The following CPSF7 variants were observed in gnomAD, a reference collection of about 807,000 sequenced individuals.
CPSF7 encodes cleavage and polyadenylation specific factor 7.
In CPSF7, 1 loss-of-function variant was observed where a neutral mutation model predicts 44.3. The observed-to-expected ratio is 0.02, with a 90% CI of 0.01 to 0.11. The LOEUF (loss-of-function observed/expected upper bound fraction) is 0.11, where lower values mean the gene tolerates loss of function less well. Among genes scored for constraint, CPSF7 ranks in the 10% least tolerant of loss-of-function variants. The probability of loss-of-function intolerance (pLI) is 1.00; values close to 1 mark genes in which losing one functional copy is unlikely to be tolerated. For missense variants in CPSF7, 443 were observed against 607.2 expected (o/e 0.73, Z 2.84); for synonymous variants, 202 against 222.0 (o/e 0.91, Z 0.80).
chr11:61,405,552 T>C (rs777318144), intron 9 of CPSF7, among the ~76,000 whole-genome samples: 1 of 152,202 alleles, frequency 6.6e-6, no homozygotes, highest in Non-Finnish European at 1.5e-5. Context: ...GTTCCTACTA[T>C]ACTCAGCACC....
At chr11:61,413,169 C>T (rs756288278) in intron 7 of CPSF7, among the ~76,000 whole-genome samples, 3 of 152,104 alleles carry the variant, frequency 2.0e-5, no homozygotes, top group Non-Finnish European at 4.4e-5. Flanking sequence ...AAGTGATCCT[C>T]CTGCCTGGGC....
At chr11:61,412,959 G>C (rs563886887) in intron 7 of CPSF7, among the ~76,000 whole-genome samples, 1 of 152,304 alleles carries the variant, frequency 6.6e-6, no homozygotes, top group South Asian at 2.1e-4. Flanking sequence ...TTGTATAGAG[G>C]ACTATTTTGT....
intron 5 of CPSF7, among the ~76,000 whole-genome samples, chr11:61,418,302 A>G (rs964619158): frequency 3.3e-5 from 5 of 152,182 alleles, no homozygotes; most frequent in Admixed American, 3.3e-4. Flanking sequence ...TGTTCCTCCC[A>G]CTGTAGCAAA....
intron 7 of CPSF7, among the ~76,000 whole-genome samples, chr11:61,415,180 G>A (rs1388975514): frequency 6.6e-6 from 1 of 152,192 alleles, no homozygotes; most frequent in Non-Finnish European, 1.5e-5. Context: ...GGAGGCTGTA[G>A]TGAGCCAAGA....
In CPSF7 at chr11:61,429,395, C is replaced by T. The variant is rs1590754642; in HGVS notation, c.-55-105G>A. The T allele has an allele frequency of 1.1e-5, 8 of 699,788 alleles. No individual in the cohort carries two copies. In the East Asian group the frequency reaches 2.1e-4, roughly 18 times the overall value. The allele number at this position is 699,788 out of a possible 1,614,324, so 43.3% of individuals were successfully genotyped here. A position where few individuals can be genotyped will look rare whatever the true frequency, so the allele number is the denominator to read the frequency against. ...CATCTCCAGAGACGCAGCATCCTGG[C>T]GGCCCCAGCTCGGCCCCACCCGCTC... On this transcript the variant is annotated intron_variant, in intron 1 of 9. Transcript: ENST00000439958.
Position 61,416,645 on chromosome 11 carries a change from A to G in CPSF7, c.524-126T>C, listed in dbSNP as rs1006657101. On this transcript the variant is annotated intron_variant, in intron 5 of 9. Coordinates refer to ENST00000439958, the MANE Select transcript of CPSF7 (RefSeq NM_001142565.3). ...TGACTAAAGAGGCTGAGAAGGTAAA[A>G]TCATCTACTGCCTTTTTTTTGGCTT... is the stretch of plus-strand genomic sequence containing the variant. The G allele has an allele frequency of 5.2e-6, 5 of 956,814 alleles. No homozygotes were observed. The African/African-American group carries it at 6.6e-5, about 13-fold the overall frequency. The allele number at this position is 956,814 out of a possible 1,614,324, so 59.3% of individuals were successfully genotyped here. A position where few individuals can be genotyped will look rare whatever the true frequency, so the allele number is the denominator to read the frequency against.
At position 61,427,776 on chromosome 11, in the gene CPSF7, G is replaced by A. The variant is rs560046680; in HGVS notation, c.54+1406C>T. Among the ~76,000 whole-genome samples, 7 of 152,194 alleles carry A rather than the reference G, an allele frequency of 4.6e-5. No individual in the cohort carries two copies. In the South Asian group the frequency reaches 1.2e-3, roughly 27 times the overall value. On this transcript the variant is annotated intron_variant, in intron 2 of 9. Transcript: ENST00000439958. ...GCCATTAAAAAGTATAATTGGTGAA[G>A]CTGTATAATGGGTACAAGGTCATTA... is the stretch of plus-strand genomic sequence containing the variant.
chr11:61,413,235 A>C (rs1860009644), intron 7 of CPSF7, among the ~76,000 whole-genome samples: 1 of 152,118 alleles, frequency 6.6e-6, no homozygotes, highest in Admixed American at 6.6e-5. Context: ...AGACTTTCTA[A>C]ATAATGTGTA....
intron 4 of CPSF7, 72 bp downstream of exon 4, chr11:61,420,398 G>C: frequency 4.3e-6 from 6 of 1,399,948 alleles, no homozygotes; most frequent in Non-Finnish European, 6.0e-6. Flanking sequence ...AAAATCCAGG[G>C]CCAAAATATA....
At chr11:61,411,144 C>T in intron 8 of CPSF7, 39 bp from the exon 9 acceptor site, 1 of 1,556,146 alleles carries the variant, frequency 6.4e-7, no homozygotes, top group African/African-American at 1.4e-5. Flanking sequence ...AGAAGGCCTA[C>T]CACTTTCTTT....
intron 9 of CPSF7, among the ~76,000 whole-genome samples, chr11:61,408,212 A>G (rs946865005): frequency 2.2e-4 from 34 of 151,858 alleles, no homozygotes; most frequent in African/African-American, 8.0e-4. Flanking sequence ...ACCTGCCACC[A>G]TGCCCGGCTA....
intron 8 of CPSF7, 69 bp from the exon 9 acceptor site, chr11:61,411,174 G>A: frequency 6.8e-7 from 1 of 1,478,846 alleles, no homozygotes; most frequent in South Asian, 1.3e-5. Context: ...TGGTGTTTTG[G>A]TGTCTTCTGA....
Position 61,410,983 on chromosome 11 carries a change from T to A in CPSF7, c.1349A>T (p.His450Leu). Residue 450 changes from histidine (H) to leucine (L), a missense_variant, in exon 9 of 10, where the codon CAT becomes CTT. His to Leu is a moderately conservative substitution (Grantham distance 99). Transcript: ENST00000439958. The part of the protein sequence containing the change: ...DDYFQERNRE[H>L]ERHRDRERDR... The stretch of plus-strand genomic sequence containing the variant: ...CCGTTCTCTATCCCGGTGTCTCTCA[T>A]GCTCCCGGTTCCTTTCTTGGAAATA... The A allele has an allele frequency of 6.2e-7, 1 of 1,613,826 alleles. No homozygotes were observed. The highest frequency in any genetic ancestry group is 8.5e-7 in the Non-Finnish European group (1 of 1,179,956).
intron 2 of CPSF7, 56 bp downstream of exon 2, chr11:61,429,126 G>A (rs1376848646): frequency 1.5e-5 from 16 of 1,054,994 alleles, no homozygotes; most frequent in Non-Finnish European, 2.1e-5. Context: ...CCAGTTTGCT[G>A]AAAATGATTC....
chr11:61,428,311 T>C (rs766048473), intron 2 of CPSF7, among the ~76,000 whole-genome samples: 9 of 152,010 alleles, frequency 5.9e-5, no homozygotes, highest in Non-Finnish European at 1.3e-4. Flanking sequence ...CTCTCCAGAG[T>C]AGATGGGACT....
chr11:61,416,226 G>C lies in CPSF7; in HGVS notation c.817C>G (p.Pro273Ala), dbSNP rs1565107610. 1.3e-6 allele frequency: 2 copies of C among 1,532,164 alleles called. No homozygotes were observed. Among genetic ancestry groups the C allele is most frequent in the South Asian group, 1.3e-5 (1 of 77,382 alleles). 94.9% of individuals were successfully genotyped at this position (1,532,164 alleles called of 1,614,324 possible). Residue 273 changes from proline (P) to alanine (A), a missense_variant, in exon 6 of 10, where the codon CCT becomes GCT. Coordinates refer to ENST00000439958, the MANE Select transcript of CPSF7 (RefSeq NM_001142565.3). ...TGAAGGGCAGGTGGGATGGCCCCAG[G>C]GGGAGGTACAGCAAGATGAGGAGGT... is the stretch of plus-strand genomic sequence containing the variant. ...RLPPHLAVPP[P>A]GAIPPALHLN...
rs1861021196 is a variant in CPSF7, at chr11:61,422,944, G to C, written c.55-1336C>G. 5.3e-5 allele frequency among the ~76,000 whole-genome samples: 8 copies of C among 151,730 alleles called. No individual in the cohort carries two copies. In the South Asian group the frequency reaches 1.7e-3, roughly 32 times the overall value. ...GCCCAAGAGTTTCAGACCAGCCTGG[G>C]CAACATGGTGAAACCCTATCTCTAC... is the stretch of plus-strand genomic sequence containing the variant. On this transcript the variant is annotated intron_variant, in intron 2 of 9. Transcript: ENST00000439958.
intron 9 of CPSF7, chr11:61,406,290 C>CT (rs1442579785): frequency 1.3e-5 from 2 of 152,210 alleles, no homozygotes; most frequent in Non-Finnish European, 2.9e-5. Flanking sequence ...AAGAAGGCTA[C>CT]TGTTCTATTG....
At chr11:61,405,303 G>A (rs1173968431) in intron 9 of CPSF7, among the ~76,000 whole-genome samples, 4 of 152,248 alleles carry the variant, frequency 2.6e-5, no homozygotes, top group East Asian at 3.9e-4. Flanking sequence ...GTGCCTTTAT[G>A]AGTATGTGTG....
Sources: gnomAD v4.1 joint callset for allele counts (sites outside exome capture counted in the v4.1 genomes callset) on GRCh38, gnomAD v4.1.1 for gene constraint, MANE v1.5 for transcripts, NCBI Gene and HGNC (gene_info 2026-07-23, HGNC 2026-07-21) for gene names.